RAB1A: variants seen among roughly 807,000 people sequenced by gnomAD.
RAB1A encodes ras-related protein Rab-1A.
In RAB1A, 2 loss-of-function variants were observed where a neutral mutation model predicts 26.0. The ratio of observed to expected loss-of-function variants is 0.08; its 90% confidence interval spans 0.03 to 0.24. The LOEUF (loss-of-function observed/expected upper bound fraction) is 0.24, where lower values mean the gene tolerates loss of function less well. Ranked by LOEUF, RAB1A falls within the 10% of genes least tolerant of loss-of-function variation. RAB1A has a pLI of 1.00. For synonymous variants in RAB1A, 84 were observed against 84.9 expected (o/e 0.99, Z 0.06); for missense variants, 100 against 247.0 (o/e 0.40, Z 3.99).
chr2:65,093,560 T>A (rs190357348), intron 3 of RAB1A, among the ~76,000 whole-genome samples: 1 of 151,422 alleles, frequency 6.6e-6, no homozygotes, highest in African/African-American at 2.4e-5. Context: ...CCTAGAAAAC[T>A]TGAAGGATTA....
intron 1 of RAB1A, among the ~76,000 whole-genome samples, chr2:65,119,482 G>A (rs1307195937): frequency 6.6e-6 from 1 of 151,362 alleles, no homozygotes; most frequent in African/African-American, 2.4e-5. Context: ...ACTCCAGCCT[G>A]GGTGGGAGGC....
rs1013296486 is a variant in RAB1A, at chr2:65,088,147, A to T, written c.*346T>A. ...CAAAATGGCTGAACTTCATCTTCAG[A>T]AGACTAAACCTGACATCTAAACATG... On this transcript the variant is annotated 3_prime_UTR_variant, in exon 6 of 6. Coordinates refer to ENST00000409784, the MANE Select transcript of RAB1A (RefSeq NM_004161.5). 1.1e-5 allele frequency: 2 copies of T among 187,792 alleles called. No homozygotes were observed. The highest frequency in any genetic ancestry group is 4.7e-5 in the African/African-American group (2 of 42,816). 11.6% of individuals were successfully genotyped at this position (187,792 alleles called of 1,614,324 possible).
chr2:65,107,426 C>A (rs1355750062), intron 1 of RAB1A, among the ~76,000 whole-genome samples: 1 of 152,036 alleles, frequency 6.6e-6, no homozygotes, highest in Non-Finnish European at 1.5e-5. Context: ...TAAGAATTTA[C>A]CTGTATGAAG....
intron 1 of RAB1A, among the ~76,000 whole-genome samples, chr2:65,122,124 C>T (rs930641349): frequency 7.1e-6 from 1 of 140,380 alleles, no homozygotes; most frequent in South Asian, 2.3e-4. Flanking sequence ...CCACTGCACT[C>T]CAGCCTGGGT....
chr2:65,125,567 G>C (rs1372916465), intron 1 of RAB1A, among the ~76,000 whole-genome samples: 2 of 151,338 alleles, frequency 1.3e-5, no homozygotes, highest in Non-Finnish European at 2.9e-5. Flanking sequence ...AATTACAGGC[G>C]TGCACCACCA....
chr2:65,124,470 CAG>C (rs1252749225), intron 1 of RAB1A, among the ~76,000 whole-genome samples: 30 of 151,994 alleles, frequency 2.0e-4, no homozygotes, highest in African/African-American at 7.2e-4. Flanking sequence ...TATTTTGAGA[CAG>C]AGTCTTGCTC....
intron 2 of RAB1A, among the ~76,000 whole-genome samples, chr2:65,098,544 A>C (rs1669342887): frequency 6.7e-6 from 1 of 149,492 alleles, no homozygotes; most frequent in Non-Finnish European, 1.5e-5. Flanking sequence ...TTTTTTTTTT[A>C]GATATAATGC....
intron 3 of RAB1A, among the ~76,000 whole-genome samples, chr2:65,095,455 T>TC: frequency 6.6e-6 from 1 of 150,802 alleles, no homozygotes; most frequent in East Asian, 2.0e-4. Context: ...GCTCAAACAT[T>TC]CCTCCCACCT....
chr2:65,105,021 C>A (rs1203134559), intron 1 of RAB1A: 1 of 644,770 alleles, frequency 1.6e-6, no homozygotes, highest in South Asian at 1.6e-5. Flanking sequence ...GGCAATGCCA[C>A]CTATGATCTC....
intron 1 of RAB1A, among the ~76,000 whole-genome samples, chr2:65,106,093 T>C (rs571378752): frequency 6.6e-6 from 1 of 152,232 alleles, no homozygotes; most frequent in Non-Finnish European, 1.5e-5. Flanking sequence ...ATCTCTAACA[T>C]TGCCAGGCCT....
chr2:65,089,124 T>C (rs1268827113), intron 4 of RAB1A, 54 bp from the exon 5 acceptor site: 1 of 1,487,926 alleles, frequency 6.7e-7, no homozygotes, highest in Admixed American at 1.9e-5. Flanking sequence ...AGTTCTGGAA[T>C]AAACAGAAAC....
At chr2:65,109,312 T>G (rs1354779188) in intron 1 of RAB1A, among the ~76,000 whole-genome samples, 2 of 152,242 alleles carry the variant, frequency 1.3e-5, no homozygotes, top group African/African-American at 4.8e-5. Flanking sequence ...AATGTATTTA[T>G]TCTTCATTCC....
chr2:65,128,010 T>C (rs980637080), intron 1 of RAB1A, among the ~76,000 whole-genome samples: 1 of 152,092 alleles, frequency 6.6e-6, no homozygotes, highest in African/African-American at 2.4e-5. Flanking sequence ...CTGGGATTAC[T>C]GAGGTGAGCC....
intron 3 of RAB1A, among the ~76,000 whole-genome samples, chr2:65,093,905 A>C (rs996032119): frequency 1.3e-5 from 2 of 151,804 alleles, no homozygotes; most frequent in African/African-American, 2.4e-5. Context: ...TACAGGCGTG[A>C]GCCACCGTGC....
At chr2:65,103,299 CA>C (rs1201745425) in intron 2 of RAB1A, among the ~76,000 whole-genome samples, 40 of 44,110 alleles carry the variant, frequency 9.1e-4, no homozygotes, top group African/African-American at 1.5e-3. Context: ...GAATCTGTCT[CA>C]AAAAAAAAAA....
intron 1 of RAB1A, among the ~76,000 whole-genome samples, chr2:65,114,807 TGCAGTCC>T (rs1409337051): frequency 6.6e-6 from 1 of 150,404 alleles, no homozygotes; most frequent in Non-Finnish European, 1.5e-5. Flanking sequence ...ATTGCGCCAC[TGCAGTCC>T]GCAGTCCGGC....
At chr2:65,129,505 G>A (rs182224020) in intron 1 of RAB1A, among the ~76,000 whole-genome samples, 45 of 152,242 alleles carry the variant, frequency 3.0e-4, no homozygotes, top group Admixed American at 1.8e-3. Context: ...GGGTCTGACA[G>A]TGCCCTCTAG....
chr2:65,097,850 T>A, intron 3 of RAB1A, 121 bp downstream of exon 3: 1 of 542,800 alleles, frequency 1.8e-6, no homozygotes. Flanking sequence ...CTATCTTAAG[T>A]ACATGAATCT....
intron 1 of RAB1A, among the ~76,000 whole-genome samples, chr2:65,125,694 G>A (rs552795915): frequency 5.3e-5 from 8 of 151,496 alleles, no homozygotes; most frequent in South Asian, 4.2e-4. Flanking sequence ...GATTACAGGC[G>A]TGAGCCACTG....
Sources: allele counts gnomAD v4.1 joint callset (sites outside exome capture counted in the v4.1 genomes callset), GRCh38; gene constraint gnomAD v4.1.1; transcripts MANE v1.5; gene names NCBI Gene and HGNC (gene_info 2026-07-23, HGNC 2026-07-21).